RNLS: variants seen among roughly 807,000 people sequenced by gnomAD.
RNLS encodes the protein renalase, FAD dependent amine oxidase.
RNLS carries 39 observed loss-of-function variants against 39.8 expected under a neutral mutation model. That is an observed-to-expected ratio of 0.98 (90% CI 0.76 to 1.28). The LOEUF (loss-of-function observed/expected upper bound fraction) is 1.28, where lower values mean the gene tolerates loss of function less well. Among genes scored for constraint, RNLS ranks in the 50% most tolerant of loss-of-function variants. RNLS has a pLI of 0.00. For synonymous variants in RNLS, 147 were observed against 150.7 expected (o/e 0.98, Z 0.18); for missense variants, 410 against 413.3 (o/e 0.99, Z 0.07).
intron 4 of RNLS, among the ~76,000 whole-genome samples, chr10:88,483,045 T>C (rs1844289841): frequency 6.6e-6 from 1 of 152,090 alleles, no homozygotes; most frequent in South Asian, 2.1e-4. Context: ...TTGTAATTTT[T>C]AAACCTGGAT....
At chr10:88,576,237 A>G (rs924385530) in intron 3 of RNLS, among the ~76,000 whole-genome samples, 2 of 152,184 alleles carry the variant, frequency 1.3e-5, no homozygotes, top group African/African-American at 4.8e-5. Flanking sequence ...TCTTCCCACT[A>G]TACTCTACAT....
At chr10:88,250,808 C>A in the RNLS span, among the ~76,000 whole-genome samples, 1 of 152,182 alleles carries the variant, frequency 6.6e-6, no homozygotes, top group Non-Finnish European at 1.5e-5. Context: ...ACTCAAACTT[C>A]AATAGCTTGA....
At chr10:88,339,052 G>A (rs1054213033) in intron 5 of RNLS, among the ~76,000 whole-genome samples, 3 of 152,128 alleles carry the variant, frequency 2.0e-5, no homozygotes, top group Admixed American at 6.5e-5. Flanking sequence ...GAGCCACTGC[G>A]CCCAGCCAGA....
intron 4 of RNLS, among the ~76,000 whole-genome samples, chr10:88,546,365 G>A (rs947017275): frequency 1.3e-5 from 2 of 151,864 alleles, no homozygotes; most frequent in African/African-American, 2.4e-5. Flanking sequence ...AAGAAAAAAT[G>A]ATTTGCTGAT....
At chr10:88,193,615 C>T in the RNLS span, among the ~76,000 whole-genome samples, 1 of 152,130 alleles carries the variant, frequency 6.6e-6, no homozygotes, top group Non-Finnish European at 1.5e-5. Flanking sequence ...TTCCCTGATC[C>T]TTCCTCCCAT....
At chr10:88,205,482 C>T in the RNLS span, among the ~76,000 whole-genome samples, 1 of 152,082 alleles carries the variant, frequency 6.6e-6, no homozygotes, top group Admixed American at 6.6e-5. Flanking sequence ...TTCCTTAGTT[C>T]ATATTTATTT....
chr10:88,579,895 C>T (rs1850434419), intron 3 of RNLS, among the ~76,000 whole-genome samples: 1 of 152,160 alleles, frequency 6.6e-6, no homozygotes, highest in Non-Finnish European at 1.5e-5. Context: ...ATTGCCCTCC[C>T]TAATGTGGGT....
intron 4 of RNLS, among the ~76,000 whole-genome samples, chr10:88,559,655 T>G (rs1374622549): frequency 7.8e-6 from 1 of 128,678 alleles, no homozygotes; most frequent in African/African-American, 3.0e-5. Context: ...GTTTTCAGAT[T>G]GTTTCACTCA....
intron 4 of RNLS, among the ~76,000 whole-genome samples, chr10:88,503,035 A>G (rs562402403): frequency 2.0e-5 from 3 of 152,244 alleles, no homozygotes; most frequent in African/African-American, 7.2e-5. Flanking sequence ...GTAGCCAATC[A>G]TTTTTTATCT....
intron 6 of RNLS, among the ~76,000 whole-genome samples, chr10:88,313,707 T>A (rs1016943385): frequency 1.4e-4 from 22 of 152,172 alleles, no homozygotes; most frequent in Non-Finnish European, 8.8e-5. Context: ...GTCAACAAGC[T>A]CAGAAATCCC....
In RNLS at chr10:88,314,642, CTG is replaced by C. The variant is rs774908167; in HGVS notation, c.701-3_701-2del. The C allele has an allele frequency of 1.2e-6, 2 of 1,612,458 alleles. No homozygotes were observed. The highest frequency in any genetic ancestry group is 1.1e-5 in the South Asian group (1 of 90,758). On this transcript the variant is annotated splice_acceptor_variant and splice_polypyrimidine_tract_variant and intron_variant, in intron 5 of 6. Transcript: ENST00000331772. LOFTEE classifies it high-confidence loss of function. Reference sequence around the variant, plus strand: ...AGGGAAGGCCCAATTTCTGATGACTCTGTGGCATAAGAGGATCATAAAGATGC... The same window carrying C: ...AGGGAAGGCCCAATTTCTGATGACTCTGGCATAAGAGGATCATAAAGATGC...
At chr10:88,276,354 G>A (rs891609314) in intron 6 of RNLS, among the ~76,000 whole-genome samples, 1 of 152,008 alleles carries the variant, frequency 6.6e-6, no homozygotes, top group Non-Finnish European at 1.5e-5. Flanking sequence ...TTGCAACCTA[G>A]AAATAGGTTA....
chr10:88,231,942 C>CTGTGTGTGTGTGTG, the RNLS span, among the ~76,000 whole-genome samples: 630 of 149,756 alleles, frequency 4.2e-3, 9 homozygotes, highest in African/African-American at 0.013. Flanking sequence ...CACAGGATTT[C>CTGTGTGTGTGTGTG]TGTGTGTGTG....
chr10:88,376,200 T>C (rs897993968), intron 4 of RNLS, among the ~76,000 whole-genome samples: 3 of 152,090 alleles, frequency 2.0e-5, no homozygotes, highest in African/African-American at 7.2e-5. Flanking sequence ...TAAAGGGAGC[T>C]CAGAGGAAGC....
intron 4 of RNLS, among the ~76,000 whole-genome samples, chr10:88,379,517 G>A (rs545874717): frequency 1.1e-3 from 165 of 152,172 alleles, no homozygotes; most frequent in African/African-American, 3.8e-3. Flanking sequence ...AGTCTGATAC[G>A]TGGTAAGTAA....
chr10:88,447,497 C>G (rs974027343), intron 4 of RNLS, among the ~76,000 whole-genome samples: 1 of 151,954 alleles, frequency 6.6e-6, no homozygotes, highest in African/African-American at 2.4e-5. Context: ...CACTGCTCAA[C>G]GAAATAAAAG....
At chr10:88,398,753 G>A (rs1222643826) in intron 4 of RNLS, among the ~76,000 whole-genome samples, 1 of 151,854 alleles carries the variant, frequency 6.6e-6, no homozygotes, top group Non-Finnish European at 1.5e-5. Flanking sequence ...GGTATCAACA[G>A]AACAAACAAC....
At chr10:88,367,741 G>A (rs975240396) in intron 4 of RNLS, among the ~76,000 whole-genome samples, 10 of 152,034 alleles carry the variant, frequency 6.6e-5, no homozygotes, top group South Asian at 2.1e-4. Context: ...TTACATTGTC[G>A]TTTTAATTTG....
At chr10:88,540,944 G>A (rs1347166107) in intron 4 of RNLS, among the ~76,000 whole-genome samples, 5 of 148,274 alleles carry the variant, frequency 3.4e-5, no homozygotes, top group Non-Finnish European at 7.4e-5. Context: ...CATGATCAGA[G>A]TCACATTTTG....
Sources: allele counts gnomAD v4.1 joint callset (sites outside exome capture counted in the v4.1 genomes callset), GRCh38; gene constraint gnomAD v4.1.1; transcripts MANE v1.5; gene names NCBI Gene and HGNC (gene_info 2026-07-23, HGNC 2026-07-21).